The following SNX29 variants were observed in gnomAD, a reference collection of about 807,000 sequenced individuals.
SNX29 encodes sorting nexin 29.
In SNX29, 78 loss-of-function variants were observed where a neutral mutation model predicts 102.1. The ratio of observed to expected loss-of-function variants is 0.76; its 90% CI spans 0.64 to 0.92. The LOEUF is 0.92. Ranked by LOEUF, SNX29 falls within the 40% of genes least tolerant of loss-of-function variation. The probability of loss-of-function intolerance (pLI) is 0.00; values close to 1 mark genes in which losing one functional copy is unlikely to be tolerated. For missense variants in SNX29, 1,280 were observed against 1,061.7 expected (o/e 1.21, Z -2.86); for synonymous variants, 580 against 414.5 (o/e 1.40, Z -4.85).
chr16:12,110,559 G>T (rs1050209042), intron 11 of SNX29, among the ~76,000 whole-genome samples: 10 of 152,156 alleles, frequency 6.6e-5, no homozygotes, highest in African/African-American at 2.4e-4. Context: ...CAGGTGTGGT[G>T]GCTGGGCTGC....
At chr16:12,187,675 C>T (rs117312673) in intron 13 of SNX29, among the ~76,000 whole-genome samples, 9 of 152,140 alleles carry the variant, frequency 5.9e-5, no homozygotes, top group Admixed American at 1.3e-4. Flanking sequence ...TGTTCTCCCC[C>T]CAACCCCCTT....
intron 20 of SNX29, among the ~76,000 whole-genome samples, chr16:12,549,521 CCT>C (rs2077828591): frequency 1.7e-4 from 17 of 98,598 alleles, no homozygotes; most frequent in African/African-American, 9.0e-4. Context: ...CATTTTTCAT[CCT>C]CTATCTCAAA....
At chr16:12,305,013 G>C (rs1338023146) in intron 15 of SNX29, among the ~76,000 whole-genome samples, 1 of 152,128 alleles carries the variant, frequency 6.6e-6, no homozygotes, top group Non-Finnish European at 1.5e-5. Flanking sequence ...TTTGATCTTC[G>C]ATAATTTAGA....
chr16:12,329,239 T>C (rs935813275), intron 15 of SNX29, among the ~76,000 whole-genome samples: 1 of 128,008 alleles, frequency 7.8e-6, no homozygotes, highest in Admixed American at 1.0e-4. Context: ...ATTATGCCAC[T>C]GCACTCCAGC....
At chr16:12,008,748 C>T (rs201815825) in intron 3 of SNX29, among the ~76,000 whole-genome samples, 8,494 of 83,426 alleles carry the variant, frequency 0.1, 246 homozygotes, top group African/African-American at 0.23. Context: ...TTTTTTTTTT[C>T]TTTTTTAACT....
intron 1 of SNX29, among the ~76,000 whole-genome samples, chr16:11,980,501 G>C (rs1382479398): frequency 2.0e-5 from 3 of 152,178 alleles, no homozygotes; most frequent in Admixed American, 1.3e-4. Context: ...GTGGGGGCAA[G>C]TCTCTTCATT....
At chr16:12,233,096 CTTCT>C (rs1429100591) in intron 14 of SNX29, among the ~76,000 whole-genome samples, 2 of 152,044 alleles carry the variant, frequency 1.3e-5, no homozygotes, top group East Asian at 1.9e-4. Context: ...TCTTCTTTGT[CTTCT>C]TTGTCTTTGT....
intron 15 of SNX29, among the ~76,000 whole-genome samples, chr16:12,307,249 T>C (rs995613556): frequency 2.0e-5 from 3 of 152,230 alleles, no homozygotes; most frequent in African/African-American, 7.2e-5. Flanking sequence ...CATGGCATGG[T>C]GATGCCATCT....
At chr16:12,391,181 A>C (rs995485120) in intron 16 of SNX29, among the ~76,000 whole-genome samples, 1 of 152,148 alleles carries the variant, frequency 6.6e-6, no homozygotes, top group Admixed American at 6.5e-5. Flanking sequence ...CCTGGGCCCA[A>C]GCGATCCTCC....
At chr16:12,539,090 C>A (rs188027853) in intron 20 of SNX29, among the ~76,000 whole-genome samples, 2 of 152,142 alleles carry the variant, frequency 1.3e-5, no homozygotes, top group African/African-American at 2.4e-5. Flanking sequence ...AATAGATTGC[C>A]CAGAGTCCTA....
chr16:12,308,418 C>G (rs2080416032), intron 15 of SNX29, among the ~76,000 whole-genome samples: 1 of 152,192 alleles, frequency 6.6e-6, no homozygotes, highest in Non-Finnish European at 1.5e-5. Flanking sequence ...GGATCAACCT[C>G]TTAGTAGCGG....
intron 11 of SNX29, among the ~76,000 whole-genome samples, chr16:12,114,338 C>T (rs987111522): frequency 1.3e-5 from 2 of 152,226 alleles, no homozygotes; most frequent in African/African-American, 2.4e-5. Flanking sequence ...GAGAGAGGTG[C>T]AGAGAAGCAC....
chr16:12,084,502 G>C (rs2052064688), intron 11 of SNX29, among the ~76,000 whole-genome samples: 1 of 152,210 alleles, frequency 6.6e-6, no homozygotes, highest in Non-Finnish European at 1.5e-5. Flanking sequence ...CATTTCTGCA[G>C]GTAGGTTCCC....
At chr16:12,211,221 A>C (rs1208922295) in intron 14 of SNX29, among the ~76,000 whole-genome samples, 1 of 151,928 alleles carries the variant, frequency 6.6e-6, no homozygotes, top group Admixed American at 6.6e-5. Context: ...GCCCAAGGAG[A>C]CTCCTCAGGT....
chr16:12,447,999 G>A (rs1182971254), intron 18 of SNX29, among the ~76,000 whole-genome samples: 1 of 152,224 alleles, frequency 6.6e-6, no homozygotes, highest in Non-Finnish European at 1.5e-5. Context: ...GCCTAGGATT[G>A]GGGCTTGGGA....
At chr16:12,560,042 A>T (rs937623952) in intron 20 of SNX29, among the ~76,000 whole-genome samples, 2 of 152,122 alleles carry the variant, frequency 1.3e-5, no homozygotes, top group Non-Finnish European at 2.9e-5. Flanking sequence ...CAAATACACA[A>T]AGAAAAATGA....
intron 18 of SNX29, among the ~76,000 whole-genome samples, chr16:12,419,909 G>A (rs1273967636): frequency 6.6e-6 from 1 of 152,256 alleles, no homozygotes; most frequent in African/African-American, 2.4e-5. Flanking sequence ...ACTAGCAGAA[G>A]GGAGATGGTG....
At chr16:12,168,281 A>G (rs1218204540) in intron 13 of SNX29, among the ~76,000 whole-genome samples, 2 of 152,200 alleles carry the variant, frequency 1.3e-5, no homozygotes, top group Non-Finnish European at 2.9e-5. Flanking sequence ...TGGAGGGAGG[A>G]GCCTTTGGGG....
At chr16:12,446,939 C>T (rs1480897139) in intron 18 of SNX29, among the ~76,000 whole-genome samples, 4 of 151,620 alleles carry the variant, frequency 2.6e-5, no homozygotes, top group Admixed American at 6.6e-5. Flanking sequence ...TCAAGGTGGG[C>T]GGATCATTTG....
Sources: gnomAD v4.1 joint callset for allele counts (sites outside exome capture counted in the v4.1 genomes callset) on GRCh38, gnomAD v4.1.1 for gene constraint, MANE v1.5 for transcripts, NCBI Gene and HGNC (gene_info 2026-07-23, HGNC 2026-07-21) for gene names.